The following GALNT17 variants were observed in gnomAD, a reference collection of about 807,000 sequenced individuals.
GALNT17 encodes the protein polypeptide N-acetylgalactosaminyltransferase 17.
A neutral mutation model predicts 63.7 loss-of-function variants in GALNT17; 29 were observed. The observed-to-expected ratio is 0.46, with a 90% confidence interval of 0.34 to 0.62. GALNT17 has a LOEUF of 0.62. Among genes scored for constraint, GALNT17 ranks in the 20% least tolerant of loss-of-function variants. The pLI, the probability that GALNT17 is intolerant of heterozygous loss-of-function variation, is 0.01. For synonymous variants in GALNT17, 305 were observed against 318.3 expected, an observed-to-expected ratio of 0.96 and a Z score of 0.45; for missense variants, 603 against 799.6, an observed-to-expected ratio of 0.75 and a Z score of 2.97.
chr7:71,248,822 C>A (rs975825863), intron 1 of GALNT17, among the ~76,000 whole-genome samples: 1 of 152,182 alleles, frequency 6.6e-6, no homozygotes, highest in Non-Finnish European at 1.5e-5. Context: ...GGCAAGGGAA[C>A]GTGGAGGACT....
rs532696730 is a variant in GALNT17 at position 71,521,117 on chromosome 7, G to A, written c.963-50168G>A. Among the ~76,000 whole-genome samples the A allele has an allele frequency of 2.1e-4, 32 of 152,328 alleles. 1 individual carries two copies. The South Asian group carries it at 6.4e-3, about 31-fold the overall frequency. On this transcript the variant is annotated intron_variant, in intron 5 of 10. Coordinates refer to ENST00000333538, the MANE Select transcript of GALNT17 (RefSeq NM_022479.3). ...TGTGCCATGTATTTTCATTGAACACGTGTGTGCACATGCACATATGTTTGG... is the reference window on the plus strand; with the variant it reads ...TGTGCCATGTATTTTCATTGAACACATGTGTGCACATGCACATATGTTTGG...
intron 2 of GALNT17, among the ~76,000 whole-genome samples, chr7:71,353,486 A>C (rs1792224605): frequency 6.6e-6 from 1 of 152,308 alleles, no homozygotes; most frequent in East Asian, 1.9e-4. Context: ...ATCATGTTTT[A>C]TTTTGAAACA....
intron 5 of GALNT17, among the ~76,000 whole-genome samples, chr7:71,446,575 T>A (rs1583960749): frequency 6.6e-6 from 1 of 152,278 alleles, no homozygotes; most frequent in Admixed American, 6.5e-5. Context: ...TGAGGTGGAG[T>A]TTTGCTCTAG....
At chr7:71,431,521 T>C (rs1354122315) in intron 5 of GALNT17, among the ~76,000 whole-genome samples, 8 of 152,098 alleles carry the variant, frequency 5.3e-5, no homozygotes, top group East Asian at 1.9e-4. Context: ...AGATGAATAT[T>C]ATTATATCCT....
At chr7:71,295,299 T>C (rs568531841) in intron 1 of GALNT17, among the ~76,000 whole-genome samples, 15 of 152,276 alleles carry the variant, frequency 9.9e-5, no homozygotes, top group African/African-American at 3.6e-4. Flanking sequence ...TTCCCTGTAC[T>C]TCACTAGGCA....
intron 9 of GALNT17, among the ~76,000 whole-genome samples, chr7:71,701,867 A>G (rs1480953363): frequency 3.4e-4 from 21 of 62,298 alleles, no homozygotes; most frequent in African/African-American, 8.0e-4. Flanking sequence ...ACATATATAT[A>G]TACATATATA....
intron 1 of GALNT17, among the ~76,000 whole-genome samples, chr7:71,201,295 A>C (rs1204906075): frequency 7.0e-6 from 1 of 142,420 alleles, no homozygotes; most frequent in Non-Finnish European, 1.5e-5. Flanking sequence ...AATACTATAC[A>C]TGTGTGGATT....
intron 6 of GALNT17, among the ~76,000 whole-genome samples, chr7:71,584,105 C>CT (rs1789680346): frequency 6.6e-6 from 1 of 152,156 alleles, no homozygotes; most frequent in Admixed American, 6.6e-5. Flanking sequence ...GCACTCCAGC[C>CT]TGGGAGACAG....
intron 1 of GALNT17, among the ~76,000 whole-genome samples, chr7:71,244,812 T>C (rs111554380): frequency 0.014 from 2,175 of 152,136 alleles, 56 homozygotes; most frequent in African/African-American, 0.05. Flanking sequence ...TAACTGGGCA[T>C]GGTGGTGCAC....
intron 3 of GALNT17, among the ~76,000 whole-genome samples, chr7:71,391,548 T>G (rs1793051635): frequency 6.6e-6 from 1 of 152,168 alleles, no homozygotes; most frequent in African/African-American, 2.4e-5. Flanking sequence ...GGTGGTGCGA[T>G]CACAGCTTGT....
chr7:71,445,175 CTTTCTTTT>C (rs1392115186), intron 5 of GALNT17, among the ~76,000 whole-genome samples: 10 of 143,704 alleles, frequency 7.0e-5, no homozygotes, highest in Admixed American at 1.4e-4. Context: ...TTTTTTCTTT[CTTTCTTTT>C]TTTTTTTTTT....
intron 6 of GALNT17, among the ~76,000 whole-genome samples, chr7:71,577,392 C>A (rs1462260623): frequency 6.6e-6 from 1 of 152,154 alleles, no homozygotes; most frequent in Non-Finnish European, 1.5e-5. Flanking sequence ...AAAATTAATA[C>A]AAGAAATGAG....
chr7:71,523,783 ATAAT>A (rs1206816573), intron 5 of GALNT17, among the ~76,000 whole-genome samples: 25 of 146,498 alleles, frequency 1.7e-4, no homozygotes, highest in African/African-American at 1.3e-4. Context: ...AAATAAATAA[ATAAT>A]AAAGAAAAGA....
intron 5 of GALNT17, among the ~76,000 whole-genome samples, chr7:71,489,904 A>G (rs539679735): frequency 6.6e-6 from 1 of 152,250 alleles, no homozygotes; most frequent in South Asian, 2.1e-4. Flanking sequence ...ACGCTGTGTA[A>G]TCCCAGCACT....
intron 5 of GALNT17, among the ~76,000 whole-genome samples, chr7:71,478,797 A>T (rs1787766155): frequency 6.6e-6 from 1 of 152,188 alleles, no homozygotes; most frequent in Non-Finnish European, 1.5e-5. Flanking sequence ...ACCCATCCTG[A>T]TGACAAGAAG....
At chr7:71,338,650 A>G (rs1274867507) in intron 2 of GALNT17, among the ~76,000 whole-genome samples, 1 of 152,208 alleles carries the variant, frequency 6.6e-6, no homozygotes, top group Non-Finnish European at 1.5e-5. Context: ...AAGATGCTGG[A>G]GAGAAAACCC....
At chr7:71,486,533 T>C (rs1384035645) in intron 5 of GALNT17, among the ~76,000 whole-genome samples, 1 of 151,856 alleles carries the variant, frequency 6.6e-6, no homozygotes, top group Non-Finnish European at 1.5e-5. Flanking sequence ...TCCACAGTGC[T>C]GTAGGGGCGC....
chr7:71,554,945 G>A (rs569173044), intron 5 of GALNT17, among the ~76,000 whole-genome samples: 2 of 152,306 alleles, frequency 1.3e-5, no homozygotes, highest in Admixed American at 6.5e-5. Context: ...TTGGCTTACG[G>A]TTCTGCAGGT....
chr7:71,239,091 A>G (rs1483200648), intron 1 of GALNT17, among the ~76,000 whole-genome samples: 2 of 152,272 alleles, frequency 1.3e-5, no homozygotes, highest in South Asian at 2.1e-4. Context: ...ATTGCAATCT[A>G]ATGAGACACC....
Sources: allele counts gnomAD v4.1 joint callset (sites outside exome capture counted in the v4.1 genomes callset), GRCh38; gene constraint gnomAD v4.1.1; transcripts MANE v1.5; gene names NCBI Gene and HGNC (gene_info 2026-07-23, HGNC 2026-07-21).